Variants in VTI1A observed in about 807,000 individuals in gnomAD.
The protein encoded by VTI1A is vesicle transport through interaction with t-SNAREs homolog 1A.
A neutral mutation model predicts 34.9 loss-of-function variants in VTI1A; 22 were observed. That is an observed-to-expected ratio of 0.63 (90% CI 0.45 to 0.90). The LOEUF (loss-of-function observed/expected upper bound fraction) is 0.90, where lower values mean the gene tolerates loss of function less well. Among genes scored for constraint, VTI1A ranks in the 40% least tolerant of loss-of-function variants. VTI1A has a pLI of 0.00. For synonymous variants in VTI1A, 87 were observed against 97.3 expected (o/e 0.89, Z 0.62); for missense variants, 268 against 275.6 (o/e 0.97, Z 0.20).
the VTI1A span, among the ~76,000 whole-genome samples, chr10:112,833,730 T>C: frequency 1.3e-5 from 2 of 152,202 alleles, no homozygotes; most frequent in Non-Finnish European, 2.9e-5. Flanking sequence ...GCTGACACTC[T>C]ATTTCTCCTT....
intron 7 of VTI1A, among the ~76,000 whole-genome samples, chr10:112,804,851 A>ATT (rs138471169): frequency 1.4e-4 from 8 of 55,364 alleles, no homozygotes; most frequent in African/African-American, 4.3e-4. Flanking sequence ...TAGATTATAG[A>ATT]TTTTTTTTTT....
chr10:112,802,357 A>G (rs1852904620), intron 7 of VTI1A, among the ~76,000 whole-genome samples: 1 of 152,226 alleles, frequency 6.6e-6, no homozygotes. Flanking sequence ...AGATTCTAAG[A>G]CACACGATTA....
chr10:112,683,124 A>G (rs909386334), intron 7 of VTI1A, among the ~76,000 whole-genome samples: 5 of 152,266 alleles, frequency 3.3e-5, no homozygotes, highest in Admixed American at 1.3e-4. Context: ...TAGTTTCAAC[A>G]TTGGAGATGC....
chr10:112,460,489 C>G (rs763924601), intron 1 of VTI1A, 35 bp from the exon 2 acceptor site: 2 of 1,563,026 alleles, frequency 1.3e-6, no homozygotes, highest in South Asian at 1.2e-5. Flanking sequence ...TTATTTGTAT[C>G]TTTAGCAATT....
chr10:112,814,685 T>C (rs768016207), intron 7 of VTI1A, among the ~76,000 whole-genome samples: 26 of 152,136 alleles, frequency 1.7e-4, no homozygotes, highest in Non-Finnish European at 3.7e-4. Flanking sequence ...ATTTCCATCT[T>C]TTTTGCTATG....
chr10:112,811,683 C>CAAAA (rs869030543), intron 7 of VTI1A, among the ~76,000 whole-genome samples: 4 of 11,840 alleles, frequency 3.4e-4, no homozygotes, highest in African/African-American at 6.9e-4. Context: ...GACTCCGTCT[C>CAAAA]AAAAAAAAAA....
At chr10:112,652,604 G>A (rs1847075843) in intron 5 of VTI1A, among the ~76,000 whole-genome samples, 1 of 151,876 alleles carries the variant, frequency 6.6e-6, no homozygotes, top group African/African-American at 2.4e-5. Flanking sequence ...GCATTCACTT[G>A]TGGTCCCAGC....
At position 112,687,219 on chromosome 10, in the gene VTI1A, C is replaced by CTTTT. The variant is rs71303594; in HGVS notation, c.560+18250_560+18253dup. Among the ~76,000 whole-genome samples, 71 of 84,610 alleles carry CTTTT rather than the reference C, an allele frequency of 8.4e-4. 2 individuals carry two copies. Among genetic ancestry groups the CTTTT allele is most frequent in the African/African-American group, 1.2e-3 (21 of 17,560 alleles). 55.5% of individuals were successfully genotyped at this position (84,610 alleles called of 152,430 possible). A position where few individuals can be genotyped will look rare whatever the true frequency, so the allele number is the denominator to read the frequency against. ...CAAAACAGGCCTAGGCATACTACAA[C>CTTTT]TTTTTTTTTTTTTTTTTTTTTTTTT... On this transcript the variant is annotated intron_variant, in intron 7 of 7. Coordinates refer to ENST00000393077, the MANE Select transcript of VTI1A (RefSeq NM_145206.4).
chr10:112,661,875 C>A (rs971241134), intron 5 of VTI1A, among the ~76,000 whole-genome samples: 1 of 148,062 alleles, frequency 6.8e-6, no homozygotes, highest in Non-Finnish European at 1.5e-5. Flanking sequence ...TCAAGTAATT[C>A]TCCTGCCTCA....
intron 5 of VTI1A, among the ~76,000 whole-genome samples, chr10:112,544,575 G>A (rs1851001677): frequency 6.6e-6 from 1 of 151,652 alleles, no homozygotes; most frequent in African/African-American, 2.4e-5. Flanking sequence ...GTATTCAAGA[G>A]TAACGGCACC....
chr10:112,485,579 G>T (rs1394345568), intron 3 of VTI1A, among the ~76,000 whole-genome samples: 1 of 152,198 alleles, frequency 6.6e-6, no homozygotes, highest in East Asian at 1.9e-4. Flanking sequence ...GAAAGCTGAC[G>T]TTTTGGAAGG....
chr10:112,851,714 CT>C, the VTI1A span, among the ~76,000 whole-genome samples: 1 of 152,206 alleles, frequency 6.6e-6, no homozygotes, highest in Non-Finnish European at 1.5e-5. Flanking sequence ...CATACAGGGG[CT>C]TCTGAACTGA....
At chr10:112,781,323 A>G (rs1157427372) in intron 7 of VTI1A, among the ~76,000 whole-genome samples, 2 of 152,226 alleles carry the variant, frequency 1.3e-5, no homozygotes, top group African/African-American at 2.4e-5. Flanking sequence ...TACAGCAGCT[A>G]CAGAGATGCA....
At chr10:112,853,615 C>T in the VTI1A span, among the ~76,000 whole-genome samples, 3 of 152,184 alleles carry the variant, frequency 2.0e-5, no homozygotes, top group Non-Finnish European at 4.4e-5. Flanking sequence ...TCTCCTGAGA[C>T]CTCGTGTTGT....
intron 5 of VTI1A, among the ~76,000 whole-genome samples, chr10:112,660,248 A>G (rs1352021609): frequency 6.6e-6 from 1 of 152,086 alleles, no homozygotes; most frequent in Non-Finnish European, 1.5e-5. Flanking sequence ...CTACAGGCGC[A>G]CGCCACCATG....
At chr10:112,726,453 G>A (rs1850030780) in intron 7 of VTI1A, among the ~76,000 whole-genome samples, 1 of 152,258 alleles carries the variant, frequency 6.6e-6, no homozygotes, top group East Asian at 1.9e-4. Flanking sequence ...GAACAACCAT[G>A]CTTTGAAACA....
intron 5 of VTI1A, among the ~76,000 whole-genome samples, chr10:112,554,181 T>C (rs1341864960): frequency 6.6e-6 from 1 of 152,224 alleles, no homozygotes; most frequent in Non-Finnish European, 1.5e-5. Context: ...ATAATTCTGC[T>C]GTGTGTGTTT....
the VTI1A span, among the ~76,000 whole-genome samples, chr10:112,839,105 G>A: frequency 1.3e-5 from 2 of 152,342 alleles, no homozygotes; most frequent in Admixed American, 6.5e-5. Context: ...CAGGGATGGA[G>A]CTGGAGCCTT....
At chr10:112,598,800 T>C (rs1337958462) in intron 5 of VTI1A, among the ~76,000 whole-genome samples, 3 of 152,202 alleles carry the variant, frequency 2.0e-5, no homozygotes, top group Non-Finnish European at 4.4e-5. Context: ...TTTCTACGTG[T>C]GGTAGACCCC....
Sources: gnomAD v4.1 joint callset for allele counts (sites outside exome capture counted in the v4.1 genomes callset) on GRCh38, gnomAD v4.1.1 for gene constraint, MANE v1.5 for transcripts, NCBI Gene and HGNC (gene_info 2026-07-23, HGNC 2026-07-21) for gene names.